Variants in ABHD17C observed in about 807,000 individuals in gnomAD.
The protein encoded by ABHD17C is abhydrolase domain containing 17C, depalmitoylase, also known as alpha/beta hydrolase domain-containing protein 17C.
Under a neutral mutation model 27.9 loss-of-function variants are expected in ABHD17C, and 11 were observed. The observed-to-expected ratio is 0.39, with a 90% CI of 0.25 to 0.65. The LOEUF (loss-of-function observed/expected upper bound fraction) is 0.65, where lower values mean the gene tolerates loss of function less well. Among genes scored for constraint, ABHD17C ranks in the 30% least tolerant of loss-of-function variants. The pLI is 0.45. For synonymous variants in ABHD17C, 233 were observed against 209.1 expected, an observed-to-expected ratio of 1.11 and a Z score of -0.98; for missense variants, 280 against 470.2, an observed-to-expected ratio of 0.60 and a Z score of 3.74.
At chr15:80,703,034 A>C (rs1053540536) in intron 1 of ABHD17C, 2 of 152,172 alleles carry the variant, frequency 1.3e-5, no homozygotes, top group Non-Finnish European at 1.5e-5. Flanking sequence ...TTTCTTTCCC[A>C]ATTTCTGGAG....
At chr15:80,713,548 G>A (rs528819161) in intron 1 of ABHD17C, among the ~76,000 whole-genome samples, 2 of 151,858 alleles carry the variant, frequency 1.3e-5, no homozygotes, top group African/African-American at 4.8e-5. Flanking sequence ...AGTGGCTCAC[G>A]CCTGTAATCC....
intron 1 of ABHD17C, among the ~76,000 whole-genome samples, chr15:80,748,650 A>G (rs1895324777): frequency 6.7e-6 from 1 of 150,096 alleles, no homozygotes; most frequent in Admixed American, 6.7e-5. Flanking sequence ...ATAAGAGAGC[A>G]TGTATTTTCC....
intron 2 of ABHD17C, among the ~76,000 whole-genome samples, chr15:80,752,515 T>C (rs538807599): frequency 3.3e-5 from 5 of 152,364 alleles, no homozygotes; most frequent in African/African-American, 1.2e-4. Context: ...TCCTCCTTGA[T>C]AAAACAGAGG....
intron 1 of ABHD17C, among the ~76,000 whole-genome samples, chr15:80,741,232 G>A (rs893858107): frequency 1.3e-5 from 2 of 151,820 alleles, no homozygotes; most frequent in South Asian, 2.1e-4. Flanking sequence ...TTTCATGTCC[G>A]GTCCAAGGGA....
chr15:80,729,466 TAA>T (rs1253184718), intron 1 of ABHD17C, among the ~76,000 whole-genome samples: 1 of 152,236 alleles, frequency 6.6e-6, no homozygotes, highest in Non-Finnish European at 1.5e-5. Context: ...CTTTTTATGA[TAA>T]AAATGCATAC....
At chr15:80,707,837 A>G (rs551661657) in intron 1 of ABHD17C, among the ~76,000 whole-genome samples, 1 of 152,344 alleles carries the variant, frequency 6.6e-6, no homozygotes, top group African/African-American at 2.4e-5. Flanking sequence ...TTGAGCCCCA[A>G]TACCATCATA....
intron 1 of ABHD17C, among the ~76,000 whole-genome samples, chr15:80,713,596 T>A (rs1894759096): frequency 6.6e-6 from 1 of 151,706 alleles, no homozygotes; most frequent in Non-Finnish European, 1.5e-5. Flanking sequence ...GATCACAAGG[T>A]CAGCAGTTCG....
chr15:80,696,568 G>T (rs534468180), intron 1 of ABHD17C, among the ~76,000 whole-genome samples: 4 of 152,174 alleles, frequency 2.6e-5, no homozygotes, highest in African/African-American at 9.7e-5. Flanking sequence ...CGGGGAGTTT[G>T]CCTCCTGGTG....
At chr15:80,716,580 T>C (rs1894806345) in intron 1 of ABHD17C, among the ~76,000 whole-genome samples, 1 of 152,140 alleles carries the variant, frequency 6.6e-6, no homozygotes, top group Non-Finnish European at 1.5e-5. Context: ...ATGCCATTAA[T>C]AAAGGAAATC....
At chr15:80,726,727 TG>T (rs1360769294) in intron 1 of ABHD17C, among the ~76,000 whole-genome samples, 6 of 152,112 alleles carry the variant, frequency 3.9e-5, no homozygotes, top group East Asian at 3.9e-4. Context: ...TTAGTCAGGA[TG>T]GTTAGTCAGG....
chr15:80,699,534 A>T (rs1297617687), intron 1 of ABHD17C, among the ~76,000 whole-genome samples: 1 of 152,146 alleles, frequency 6.6e-6, no homozygotes, highest in Non-Finnish European at 1.5e-5. Flanking sequence ...ATACTAACCC[A>T]TCCTTTGTAT....
chr15:80,706,394 A>C (rs1596059954), intron 1 of ABHD17C, among the ~76,000 whole-genome samples: 1 of 152,240 alleles, frequency 6.6e-6, no homozygotes, highest in East Asian at 1.9e-4. Flanking sequence ...TGAATTGCTG[A>C]GAGGAGCCTA....
At chr15:80,748,439 G>C (rs1895320629) in intron 1 of ABHD17C, among the ~76,000 whole-genome samples, 1 of 152,078 alleles carries the variant, frequency 6.6e-6, no homozygotes, top group African/African-American at 2.4e-5. Context: ...TTTCAACACT[G>C]TCTGGCTTCT....
chr15:80,739,915 G>C (rs997243511), intron 1 of ABHD17C, among the ~76,000 whole-genome samples: 1 of 152,072 alleles, frequency 6.6e-6, no homozygotes. Context: ...TTCTTTTTAA[G>C]CCTCTAGTGT....
chr15:80,705,934 A>G (rs1894641873), intron 1 of ABHD17C, among the ~76,000 whole-genome samples: 1 of 152,168 alleles, frequency 6.6e-6, no homozygotes, highest in Non-Finnish European at 1.5e-5. Context: ...TTACTTTGCA[A>G]ACCATTCCTG....
Position 80,749,672 on chromosome 15 carries a change from C to T in ABHD17C, c.750C>T (p.Tyr250=), listed in dbSNP as rs553280158. ...CTTTTCCGGATACCAGGAAAACATA[C>T]TGCTTTGATGCTTTCCCCAGGTAAG... The part of the protein sequence containing the change: ...RVAFPDTRKT[Y]CFDAFPSIDK... Residue 250 remains tyrosine, a synonymous_variant, in exon 2 of 3, where the codon TAC becomes TAT. Coordinates refer to ENST00000258884, the MANE Select transcript of ABHD17C (RefSeq NM_021214.2). 5.6e-5 allele frequency: 91 copies of T among 1,613,928 alleles called. No homozygotes were observed. In the African/African-American group the frequency reaches 1.1e-3, roughly 20 times the overall value.
intron 1 of ABHD17C, among the ~76,000 whole-genome samples, chr15:80,737,808 A>G (rs977899827): frequency 1.3e-5 from 2 of 152,152 alleles, no homozygotes; most frequent in African/African-American, 4.8e-5. Context: ...TGAGCCAGTG[A>G]GGGAAGAGCC....
At chr15:80,696,567 T>C (rs1045963419) in intron 1 of ABHD17C, among the ~76,000 whole-genome samples, 1 of 152,140 alleles carries the variant, frequency 6.6e-6, no homozygotes, top group Non-Finnish European at 1.5e-5. Flanking sequence ...GCGGGGAGTT[T>C]GCCTCCTGGT....
At chr15:80,738,513 G>A (rs1895164226) in intron 1 of ABHD17C, among the ~76,000 whole-genome samples, 2 of 152,206 alleles carry the variant, frequency 1.3e-5, no homozygotes, top group Admixed American at 1.3e-4. Context: ...GCTGCCATTT[G>A]TAGCCCACCA....
Sources: allele counts gnomAD v4.1 joint callset (sites outside exome capture counted in the v4.1 genomes callset), GRCh38; gene constraint gnomAD v4.1.1; transcripts MANE v1.5; gene names NCBI Gene and HGNC (gene_info 2026-07-23, HGNC 2026-07-21).